CCDC85A: variants seen among roughly 807,000 people sequenced by gnomAD.
CCDC85A encodes coiled-coil domain containing 85A.
In CCDC85A, 38 loss-of-function variants were observed where a neutral mutation model predicts 50.2. That is an observed-to-expected ratio of 0.76 (90% CI 0.58 to 0.99). The LOEUF is 0.99. Ranked by LOEUF, CCDC85A falls within the 50% of genes least tolerant of loss-of-function variation. The pLI, the probability that CCDC85A is intolerant of heterozygous loss-of-function variation, is 0.00. For missense variants in CCDC85A, 820 were observed against 742.0 expected (o/e 1.11, Z -1.22); for synonymous variants, 366 against 301.4 (o/e 1.21, Z -2.22).
Position 56,213,865 on chromosome 2 carries a change from C to T in CCDC85A, c.1240+20425C>T, listed in dbSNP as rs1373488408. Among the ~76,000 whole-genome samples the T allele has an allele frequency of 2.0e-5, 3 of 151,972 alleles. No homozygotes were observed. In the East Asian group the frequency reaches 5.8e-4, roughly 30 times the overall value. On this transcript the variant is annotated intron_variant, in intron 2 of 5. Coordinates refer to ENST00000407595, the MANE Select transcript of CCDC85A (RefSeq NM_001080433.2). ...AAATACCCGCCTCTCATAAATATGA[C>T]ATGATTATAGGTGGCACAGTTTTGA...
At chr2:56,314,338 C>A (rs762522815) in intron 2 of CCDC85A, among the ~76,000 whole-genome samples, 1 of 151,736 alleles carries the variant, frequency 6.6e-6, no homozygotes, top group African/African-American at 2.4e-5. Flanking sequence ...ACATACTAAG[C>A]CTGCAATCTT....
intron 2 of CCDC85A, among the ~76,000 whole-genome samples, chr2:56,193,735 G>T (rs906399940): frequency 1.3e-5 from 2 of 152,074 alleles, no homozygotes; most frequent in African/African-American, 4.8e-5. Flanking sequence ...TTTGGGTATT[G>T]GTGATAAAAA....
At chr2:56,262,106 G>T (rs573533956) in intron 2 of CCDC85A, among the ~76,000 whole-genome samples, 1 of 152,224 alleles carries the variant, frequency 6.6e-6, no homozygotes, top group Non-Finnish European at 1.5e-5. Flanking sequence ...AATTTCAGGT[G>T]GTGAGATTTT....
At chr2:56,348,133 T>G (rs1037728319) in intron 3 of CCDC85A, among the ~76,000 whole-genome samples, 3 of 152,228 alleles carry the variant, frequency 2.0e-5, no homozygotes, top group African/African-American at 7.2e-5. Context: ...AGCAGTTTGC[T>G]GTAGCTCCTA....
rs78508500 is a variant in CCDC85A, at chr2:56,305,999, C to G, written c.1241-36880C>G. 9.3e-4 allele frequency among the ~76,000 whole-genome samples: 141 copies of G among 152,282 alleles called. 1 individual carries two copies. The highest frequency in any genetic ancestry group is 3.3e-3 in the African/African-American group (137 of 41,554). On this transcript the variant is annotated intron_variant, in intron 2 of 5. Coordinates refer to ENST00000407595, the MANE Select transcript of CCDC85A (RefSeq NM_001080433.2). ...CTTGCTCTCTTCCTTCTTTCATTGC[C>G]TTGACAAACATCATATTAAGTCTTG... is the stretch of plus-strand genomic sequence containing the variant.
intron 2 of CCDC85A, among the ~76,000 whole-genome samples, chr2:56,285,727 C>T (rs919512534): frequency 1.3e-5 from 2 of 151,542 alleles, no homozygotes; most frequent in Admixed American, 6.6e-5. Context: ...ATTATGAACC[C>T]TATACTATAT....
chr2:56,197,154 C>A (rs578227437), intron 2 of CCDC85A, among the ~76,000 whole-genome samples: 38 of 152,244 alleles, frequency 2.5e-4, no homozygotes, highest in Middle Eastern at 6.8e-3. Flanking sequence ...GGGTATCTCT[C>A]GAGATGGAAA....
intron 2 of CCDC85A, among the ~76,000 whole-genome samples, chr2:56,196,247 A>T (rs1676514571): frequency 6.6e-6 from 1 of 152,230 alleles, no homozygotes; most frequent in Non-Finnish European, 1.5e-5. Flanking sequence ...CAAAATTCTC[A>T]AAAATGCATT....
intron 2 of CCDC85A, among the ~76,000 whole-genome samples, chr2:56,307,790 A>G (rs1177625631): frequency 1.3e-5 from 2 of 152,144 alleles, no homozygotes; most frequent in African/African-American, 2.4e-5. Context: ...TTCTCATGCT[A>G]TGTCATTTTA....
intron 2 of CCDC85A, among the ~76,000 whole-genome samples, chr2:56,233,035 C>T (rs1475611081): frequency 6.6e-6 from 1 of 152,170 alleles, no homozygotes. Flanking sequence ...TGAGCCTTCT[C>T]CCTGTAAGGC....
chr2:56,276,264 TG>T (rs1467806329), intron 2 of CCDC85A, among the ~76,000 whole-genome samples: 3 of 152,226 alleles, frequency 2.0e-5, no homozygotes, highest in Non-Finnish European at 2.9e-5. Context: ...AACATATTTT[TG>T]AGTGCTTTTT....
intron 2 of CCDC85A, among the ~76,000 whole-genome samples, chr2:56,242,971 C>T (rs1405852847): frequency 2.0e-5 from 3 of 151,914 alleles, no homozygotes; most frequent in East Asian, 1.9e-4. Context: ...TATTCTTCTG[C>T]AAGTGGATAT....
chr2:56,304,504 G>A (rs1045345585), intron 2 of CCDC85A, among the ~76,000 whole-genome samples: 1 of 152,160 alleles, frequency 6.6e-6, no homozygotes, highest in Non-Finnish European at 1.5e-5. Context: ...GACTTTATTT[G>A]CATCTGTGCT....
At chr2:56,229,475 A>C (rs1362596981) in intron 2 of CCDC85A, among the ~76,000 whole-genome samples, 1 of 152,208 alleles carries the variant, frequency 6.6e-6, no homozygotes, top group Non-Finnish European at 1.5e-5. Context: ...CCACCATTTT[A>C]GACCTTAGTT....
intron 2 of CCDC85A, among the ~76,000 whole-genome samples, chr2:56,249,454 A>G (rs1255248895): frequency 6.6e-6 from 1 of 152,224 alleles, no homozygotes; most frequent in East Asian, 1.9e-4. Context: ...GAATCTGAAG[A>G]AGCACATGAA....
At chr2:56,232,255 C>T (rs935749803) in intron 2 of CCDC85A, among the ~76,000 whole-genome samples, 5 of 152,058 alleles carry the variant, frequency 3.3e-5, no homozygotes, top group African/African-American at 4.8e-5. Flanking sequence ...GTAACATGCC[C>T]AAAACCAGAC....
At chr2:56,296,918 A>G (rs1671976104) in intron 2 of CCDC85A, among the ~76,000 whole-genome samples, 1 of 152,202 alleles carries the variant, frequency 6.6e-6, no homozygotes, top group African/African-American at 2.4e-5. Flanking sequence ...CCATATAGAA[A>G]AGCAGTAAAA....
intron 2 of CCDC85A, among the ~76,000 whole-genome samples, chr2:56,248,518 C>T (rs567588041): frequency 6.6e-6 from 1 of 152,226 alleles, no homozygotes; most frequent in South Asian, 2.1e-4. Context: ...ACTCAAAGTC[C>T]CTGGCATCCT....
At chr2:56,280,168 A>T (rs1460394557) in intron 2 of CCDC85A, among the ~76,000 whole-genome samples, 2 of 152,132 alleles carry the variant, frequency 1.3e-5, no homozygotes, top group Admixed American at 6.5e-5. Context: ...TGAGTTTCAT[A>T]GAATTTGATG....
Sources: gnomAD v4.1 joint callset for allele counts (sites outside exome capture counted in the v4.1 genomes callset) on GRCh38, gnomAD v4.1.1 for gene constraint, MANE v1.5 for transcripts, NCBI Gene and HGNC (gene_info 2026-07-23, HGNC 2026-07-21) for gene names.